Variants in MRPS28 observed in about 807,000 individuals in gnomAD.
MRPS28 encodes small ribosomal subunit protein bS1m.
In MRPS28, 7 loss-of-function variants were observed where a neutral mutation model predicts 10.8. That is an observed-to-expected ratio of 0.65 (90% CI 0.37 to 1.22). The LOEUF (loss-of-function observed/expected upper bound fraction) is 1.22. MRPS28 is among the 50% of genes most tolerant of loss of function. The pLI, the probability that MRPS28 is intolerant of heterozygous loss-of-function variation, is 0.02. For missense variants in MRPS28, 265 were observed against 232.9 expected (o/e 1.14, Z -0.90); for synonymous variants, 121 against 93.3 (o/e 1.30, Z -1.71).
intron 2 of MRPS28, among the ~76,000 whole-genome samples, chr8:80,002,654 C>T (rs1808690253): frequency 6.6e-6 from 1 of 152,004 alleles, no homozygotes; most frequent in Non-Finnish European, 1.5e-5. Context: ...TGGAAAGAGA[C>T]TATGGAACAG....
intron 2 of MRPS28, among the ~76,000 whole-genome samples, chr8:79,984,684 T>C (rs1373952164): frequency 3.3e-5 from 5 of 152,112 alleles, no homozygotes; most frequent in Admixed American, 6.5e-5. Context: ...AAGAAGGCCA[T>C]TACATAATGG....
At position 79,963,356 on chromosome 8, in the gene MRPS28, AAAC is replaced by A. The variant is rs962694222; in HGVS notation, c.395+39640_395+39642del. ...ATATATGAACCCAGACACAGGACAAAAACAACAACAACAAAAAACCACGTATTT... is the reference window on the plus strand; with the variant it reads ...ATATATGAACCCAGACACAGGACAAAAACAACAACAAAAAACCACGTATTT... On this transcript the variant is annotated intron_variant, in intron 2 of 2. Coordinates refer to ENST00000276585, the MANE Select transcript of MRPS28 (RefSeq NM_014018.3). 5.9e-5 allele frequency among the ~76,000 whole-genome samples: 9 copies of A among 152,186 alleles called. No homozygotes were observed. In the South Asian group the frequency reaches 8.3e-4, roughly 14 times the overall value.
intron 2 of MRPS28, among the ~76,000 whole-genome samples, chr8:79,969,023 A>C (rs1807567160): frequency 6.6e-6 from 1 of 152,200 alleles, no homozygotes; most frequent in African/African-American, 2.4e-5. Context: ...TTAATGAGTT[A>C]ATGTACAAAA....
intron 2 of MRPS28, among the ~76,000 whole-genome samples, chr8:79,920,173 CT>C (rs1810048536): frequency 6.6e-6 from 1 of 152,104 alleles, no homozygotes; most frequent in South Asian, 2.1e-4. Flanking sequence ...GCCACATTTT[CT>C]TAATCTAGTC....
At chr8:79,944,575 C>G (rs1328934925) in intron 2 of MRPS28, among the ~76,000 whole-genome samples, 4 of 152,118 alleles carry the variant, frequency 2.6e-5, no homozygotes, top group African/African-American at 9.7e-5. Context: ...CTACCATTAC[C>G]TACCAAAAAG....
chr8:79,943,110 T>C (rs2129938892), intron 2 of MRPS28, among the ~76,000 whole-genome samples: 1 of 152,300 alleles, frequency 6.6e-6, no homozygotes, highest in South Asian at 2.1e-4. Context: ...CCCCCAGCTG[T>C]GAAGTCAGTC....
At chr8:80,010,984 C>T (rs1809025617) in intron 1 of MRPS28, among the ~76,000 whole-genome samples, 1 of 152,134 alleles carries the variant, frequency 6.6e-6, no homozygotes, top group African/African-American at 2.4e-5. Flanking sequence ...CATTAAAGGT[C>T]CTTAAACAAG....
chr8:79,944,688 CTTTTTCT>C (rs907796429), intron 2 of MRPS28, among the ~76,000 whole-genome samples: 10 of 80,060 alleles, frequency 1.2e-4, no homozygotes, highest in African/African-American at 1.8e-4. Flanking sequence ...CATAATTTTT[CTTTTTCT>C]TTTTTCTTTT....
intron 2 of MRPS28, among the ~76,000 whole-genome samples, chr8:79,960,181 G>A (rs1322273579): frequency 6.6e-6 from 1 of 152,080 alleles, no homozygotes; most frequent in Admixed American, 6.6e-5. Context: ...AGACAAATAG[G>A]AAAGCTAGAT....
At chr8:80,012,706 A>C (rs1809086925) in intron 1 of MRPS28, among the ~76,000 whole-genome samples, 1 of 152,252 alleles carries the variant, frequency 6.6e-6, no homozygotes, top group Non-Finnish European at 1.5e-5. Flanking sequence ...TTGAAGCCTG[A>C]AAGTTGACAG....
At chr8:80,008,530 A>G (rs1808932761) in intron 1 of MRPS28, among the ~76,000 whole-genome samples, 1 of 152,272 alleles carries the variant, frequency 6.6e-6, no homozygotes, top group African/African-American at 2.4e-5. Flanking sequence ...CCCATCTGAC[A>G]AAGAGCTAAT....
intron 2 of MRPS28, among the ~76,000 whole-genome samples, chr8:79,922,962 T>C (rs1345812905): frequency 1.3e-5 from 2 of 152,118 alleles, no homozygotes; most frequent in South Asian, 4.1e-4. Flanking sequence ...ACATAATATT[T>C]GGGTGTTCTG....
At chr8:79,992,839 T>C (rs1808404198) in intron 2 of MRPS28, among the ~76,000 whole-genome samples, 1 of 152,214 alleles carries the variant, frequency 6.6e-6, no homozygotes, top group Non-Finnish European at 1.5e-5. Context: ...AGCCTTAGTT[T>C]CTTCAGTGTT....
At chr8:79,988,663 ATTCT>A (rs1204922704) in intron 2 of MRPS28, among the ~76,000 whole-genome samples, 2 of 152,174 alleles carry the variant, frequency 1.3e-5, no homozygotes, top group Non-Finnish European at 2.9e-5. Context: ...ACATAAAAGT[ATTCT>A]TTAATTATTA....
intron 2 of MRPS28, among the ~76,000 whole-genome samples, chr8:79,975,318 A>AATTAATTAATT (rs1324521341): frequency 1.5e-4 from 23 of 152,198 alleles, no homozygotes; most frequent in Non-Finnish European, 2.6e-4. Context: ...TTAATTAATT[A>AATTAATTAATT]ACACTGAAAT....
chr8:79,972,968 T>C (rs968047409), intron 2 of MRPS28, among the ~76,000 whole-genome samples: 8 of 152,176 alleles, frequency 5.3e-5, no homozygotes, highest in African/African-American at 1.7e-4. Flanking sequence ...TGCCAGGTGA[T>C]TTTTACATAC....
intron 1 of MRPS28, among the ~76,000 whole-genome samples, chr8:80,005,193 C>T (rs1356246293): frequency 6.6e-6 from 1 of 152,044 alleles, no homozygotes; most frequent in Non-Finnish European, 1.5e-5. Context: ...ATCAGATTCA[C>T]CAAAGTTGAA....
At position 80,001,417 on chromosome 8, in the gene MRPS28, C is replaced by T. The variant is rs187798592; in HGVS notation, c.395+1582G>A. ...TTCTTACTTGCCTCCTTCATAAACCCTCCTTAAAAGGAATTCTTGAGGGAT... is the reference window on the plus strand; with the variant it reads ...TTCTTACTTGCCTCCTTCATAAACCTTCCTTAAAAGGAATTCTTGAGGGAT... On this transcript the variant is annotated intron_variant, in intron 2 of 2. Transcript: ENST00000276585. Among the ~76,000 whole-genome samples, 123 of 152,290 alleles carry T rather than the reference C, an allele frequency of 8.1e-4. 3 individuals carry two copies. The South Asian group carries it at 0.011, about 13-fold the overall frequency.
intron 2 of MRPS28, among the ~76,000 whole-genome samples, chr8:79,977,224 G>A (rs1807825835): frequency 6.6e-6 from 1 of 152,074 alleles, no homozygotes; most frequent in African/African-American, 2.4e-5. Context: ...ATGAGTGGTG[G>A]AGCTCATTAA....
Sources: gnomAD v4.1 joint callset for allele counts (sites outside exome capture counted in the v4.1 genomes callset) on GRCh38, gnomAD v4.1.1 for gene constraint, MANE v1.5 for transcripts, NCBI Gene and HGNC (gene_info 2026-07-23, HGNC 2026-07-21) for gene names.